DGAT2L6: variants seen among roughly 807,000 people sequenced by gnomAD.
The protein encoded by DGAT2L6 is diacylglycerol O-acyltransferase 2 like 6.
Under a neutral mutation model 25.5 loss-of-function variants are expected in DGAT2L6, and 22 were observed. The ratio of observed to expected loss-of-function variants is 0.86; its 90% CI spans 0.62 to 1.23. The LOEUF (loss-of-function observed/expected upper bound fraction) is 1.23. Among genes scored for constraint, DGAT2L6 ranks in the 50% most tolerant of loss-of-function variants. The pLI, the probability that DGAT2L6 is intolerant of heterozygous loss-of-function variation, is 0.00. For missense variants in DGAT2L6, 287 were observed against 253.2 expected (o/e 1.13, Z -0.91); for synonymous variants, 100 against 94.7 (o/e 1.06, Z -0.32).
At chrX:70,199,699 A>G (rs759827874) in intron 2 of DGAT2L6, 113 bp from the exon 3 acceptor site, 12 of 675,146 alleles carry the variant, frequency 1.8e-5, no homozygotes, top group Non-Finnish European at 2.5e-5. Context: ...CTGAGGTGTC[A>G]GAAGGAGGCC....
At chrX:70,182,469 CTTTTTTTTTT>C (rs1171530335) in intron 1 of DGAT2L6, among the ~76,000 whole-genome samples, 3 of 49,137 alleles carry the variant, frequency 6.1e-5, no homozygotes, top group African/African-American at 3.1e-4. Flanking sequence ...TCAAAAGCAT[CTTTTTTTTTT>C]TTTTTTTTTT....
intron 1 of DGAT2L6, among the ~76,000 whole-genome samples, chrX:70,190,287 T>C (rs2147605403): frequency 8.9e-6 from 1 of 111,952 alleles, no homozygotes. Context: ...TTAACTCAAG[T>C]ATGACATCAA....
intron 1 of DGAT2L6, among the ~76,000 whole-genome samples, chrX:70,188,976 CAAA>C (rs200306182): frequency 4.7e-5 from 2 of 42,312 alleles, no homozygotes; most frequent in African/African-American, 7.3e-5. Flanking sequence ...AGGGCATCTA[CAAA>C]AAAAAAAAAA....
intron 1 of DGAT2L6, among the ~76,000 whole-genome samples, chrX:70,191,919 G>A (rs2085376707): frequency 1.8e-5 from 2 of 111,331 alleles, no homozygotes; most frequent in African/African-American, 6.5e-5. Flanking sequence ...ACTATAACCA[G>A]CAAAGTGGTC....
At chrX:70,194,729 A>G (rs2085385647) in intron 1 of DGAT2L6, among the ~76,000 whole-genome samples, 2 of 112,075 alleles carry the variant, frequency 1.8e-5, no homozygotes, top group Admixed American at 9.5e-5. Flanking sequence ...GACATACACA[A>G]ACATTAACTC....
At chrX:70,192,158 CAAG>C (rs1027061806) in intron 1 of DGAT2L6, among the ~76,000 whole-genome samples, 3 of 111,698 alleles carry the variant, frequency 2.7e-5, no homozygotes, top group African/African-American at 9.8e-5. Context: ...GAAGCTAAGG[CAAG>C]AAGATCGCTT....
In DGAT2L6 at chrX:70,202,042, G is replaced by C; in HGVS notation, c.625G>C (p.Val209Leu). 2.5e-6 allele frequency: 3 copies of C among 1,198,757 alleles called. No homozygotes were observed. The highest frequency in any genetic ancestry group is 3.4e-6 in the Non-Finnish European group (3 of 889,904). Residue 209 changes from valine (V) to leucine (L), a missense_variant, in exon 5 of 7, where the codon GTG becomes CTG. By Grantham distance (32) the Val-to-Leu change is conservative. Coordinates refer to ENST00000333026, the MANE Select transcript of DGAT2L6 (RefSeq NM_198512.3). The part of the protein sequence containing the change: ...TLFLKQRKGF[V>L]KMALQTGAYL... ...CTTCCTCAAGCAGCGTAAAGGTTTTGTGAAGATGGCACTGCAAACAGGGTG... is the reference window on the plus strand; with the variant it reads ...CTTCCTCAAGCAGCGTAAAGGTTTTCTGAAGATGGCACTGCAAACAGGGTG...
chrX:70,204,074 A>G (rs974553269), intron 5 of DGAT2L6, among the ~76,000 whole-genome samples: 1 of 111,538 alleles, frequency 9.0e-6, no homozygotes, highest in African/African-American at 3.3e-5. Context: ...CAATGAAGAC[A>G]GAGCTTTTGA....
rs982681745 is a variant in DGAT2L6, at chrX:70,205,199, C to A, written c.*93C>A. ...GAAGAATTCCAGGAGAGGGAAAGAT[C>A]GTAAGGATGAGAGAGGAGACCATCC... On this transcript the variant is annotated 3_prime_UTR_variant, in exon 7 of 7. Coordinates refer to ENST00000333026, the MANE Select transcript of DGAT2L6 (RefSeq NM_198512.3). The A allele has an allele frequency of 3.1e-6, 3 of 980,916 alleles. No homozygotes were observed. The highest frequency in any genetic ancestry group is 3.5e-4 in the Middle Eastern group (1 of 2,882). 80.8% of individuals were successfully genotyped at this position (980,916 alleles called of 1,213,427 possible).
chrX:70,186,002 A>G (rs1019551192), intron 1 of DGAT2L6, among the ~76,000 whole-genome samples: 2 of 111,363 alleles, frequency 1.8e-5, no homozygotes, highest in Non-Finnish European at 3.8e-5. Flanking sequence ...CATAAGAATT[A>G]TAGGTTTTCA....
At chrX:70,181,769 G>A (rs111714615) in intron 1 of DGAT2L6, among the ~76,000 whole-genome samples, 11,960 of 111,369 alleles carry the variant, frequency 0.11, 598 homozygotes, top group South Asian at 0.15. Flanking sequence ...TTAGGGTATC[G>A]GAATAAGAAA....
intron 1 of DGAT2L6, among the ~76,000 whole-genome samples, chrX:70,197,364 G>GA (rs1233776520): frequency 9.0e-6 from 1 of 111,429 alleles, no homozygotes; most frequent in Non-Finnish European, 1.9e-5. Flanking sequence ...GCCTTGCTCT[G>GA]AAAAAAACGT....
At chrX:70,178,985 A>T (rs1297134494) in intron 1 of DGAT2L6, among the ~76,000 whole-genome samples, 1 of 112,537 alleles carries the variant, frequency 8.9e-6, no homozygotes, top group African/African-American at 3.2e-5. Context: ...TTTAATGCAT[A>T]CATCAAGAAG....
chrX:70,199,278 T>C lies in DGAT2L6; in HGVS notation c.93T>C (p.Ile31=). ...WIPVYIFLGA[I]PILLIPYFLL... Reference sequence around the variant, plus strand: ...CCCTTTGTGTCTCCCCAGGAGCTATTCCCATTCTCCTTATACCCTACTTTC... The same window carrying C: ...CCCTTTGTGTCTCCCCAGGAGCTATCCCCATTCTCCTTATACCCTACTTTC... The change falls in exon 2 of 7, where the codon ATT becomes ATC. Residue 31 remains isoleucine (I), a synonymous_variant. Coordinates refer to ENST00000333026, the MANE Select transcript of DGAT2L6 (RefSeq NM_198512.3). The C allele has an allele frequency of 8.5e-7, 1 of 1,178,113 alleles. No homozygotes were observed. Among genetic ancestry groups the C allele is most frequent in the Non-Finnish European group, 1.1e-6 (1 of 874,606 alleles).
chrX:70,205,671 T>C lies in DGAT2L6; in HGVS notation c.*565T>C, dbSNP rs2085426835. On this transcript the variant is annotated 3_prime_UTR_variant, in exon 7 of 7. Transcript: ENST00000333026. ...GGCAATGCAGTTACATTGTTTCTTCTTTGAAAATAAAGTTCTAGACATATA... is the reference window on the plus strand; with the variant it reads ...GGCAATGCAGTTACATTGTTTCTTCCTTGAAAATAAAGTTCTAGACATATA... 8.9e-6 allele frequency: 1 copy of C among 112,201 alleles called. No individual in the cohort carries two copies. Among genetic ancestry groups the C allele is most frequent in the Non-Finnish European group, 1.9e-5 (1 of 53,307 alleles). The allele number at this position is 112,201 out of a possible 1,213,427, so 9.2% of individuals were successfully genotyped here.
In DGAT2L6 at chrX:70,201,955, G is replaced by A. The variant is rs778176074; in HGVS notation, c.538G>A (p.Val180Met). ...GACCCAGAAAGGCTCAGGCAATGCC[G>A]TGGTTATTGTGGTGGGTGGAGCTGC... Reference protein sequence around the residue: ...LLTQKGSGNAVVIVVGGAAEA... With the variant: ...LLTQKGSGNAMVIVVGGAAEA... The change falls in exon 5 of 7, where the codon GTG becomes ATG. Residue 180 changes from valine to methionine, a missense_variant. Transcript: ENST00000333026. 34 of 1,207,605 alleles carry A rather than the reference G, an allele frequency of 2.8e-5. No homozygotes were observed. The highest frequency in any genetic ancestry group is 6.0e-5 in the East Asian group (2 of 33,524).
At chrX:70,201,341 T>C (rs1300845481) in intron 4 of DGAT2L6, among the ~76,000 whole-genome samples, 2 of 112,389 alleles carry the variant, frequency 1.8e-5, no homozygotes, top group African/African-American at 6.5e-5. Context: ...TGATTGTTGT[T>C]AAACAACAGG....
chrX:70,181,095 T>C (rs1237499533), intron 1 of DGAT2L6, among the ~76,000 whole-genome samples: 2 of 112,394 alleles, frequency 1.8e-5, no homozygotes, highest in Non-Finnish European at 3.8e-5. Flanking sequence ...CACACAGTAA[T>C]TCTGTTTTTA....
At chrX:70,186,377 A>T (rs899202034) in intron 1 of DGAT2L6, among the ~76,000 whole-genome samples, 2 of 112,273 alleles carry the variant, frequency 1.8e-5, no homozygotes, top group African/African-American at 6.5e-5. Context: ...CCGGGAGATG[A>T]GCAAAGATAT....
Sources: allele counts gnomAD v4.1 joint callset (sites outside exome capture counted in the v4.1 genomes callset), GRCh38; gene constraint gnomAD v4.1.1; transcripts MANE v1.5; gene names NCBI Gene and HGNC (gene_info 2026-07-23, HGNC 2026-07-21).